ST8SIA5: variants seen among roughly 807,000 people sequenced by gnomAD.
ST8SIA5 encodes ST8 alpha-N-acetyl-neuraminide alpha-2,8-sialyltransferase 5.
In ST8SIA5, 24 loss-of-function variants were observed where a neutral mutation model predicts 40.2. The ratio of observed to expected loss-of-function variants is 0.60; its 90% CI spans 0.43 to 0.84. The LOEUF is 0.84. Among genes scored for constraint, ST8SIA5 ranks in the 40% least tolerant of loss-of-function variants. The pLI, the probability that ST8SIA5 is intolerant of heterozygous loss-of-function variation, is 0.00. For synonymous variants in ST8SIA5, 198 were observed against 201.8 expected (o/e 0.98, Z 0.16); for missense variants, 465 against 498.5 (o/e 0.93, Z 0.64).
At chr18:46,732,025 A>C (rs1002904017) in intron 1 of ST8SIA5, among the ~76,000 whole-genome samples, 1 of 152,218 alleles carries the variant, frequency 6.6e-6, no homozygotes, top group Admixed American at 6.5e-5. Context: ...GTGGGAAGAC[A>C]GGCCTCGGGT....
At chr18:46,711,893 TCAGAG>T (rs929135743) in intron 1 of ST8SIA5, among the ~76,000 whole-genome samples, 5 of 152,208 alleles carry the variant, frequency 3.3e-5, no homozygotes, top group African/African-American at 1.2e-4. Context: ...CCAGGAATTA[TCAGAG>T]CTGTTTTGAG....
intron 1 of ST8SIA5, among the ~76,000 whole-genome samples, chr18:46,745,464 T>A (rs1368679946): frequency 1.3e-5 from 2 of 152,132 alleles, no homozygotes; most frequent in African/African-American, 2.4e-5. Context: ...CTAGAAAACC[T>A]AGTAGAAATG....
chr18:46,681,438 T>C lies in ST8SIA5; in HGVS notation c.662+534A>G, dbSNP rs544932268. On this transcript the variant is annotated intron_variant, in intron 6 of 6. Coordinates refer to ENST00000315087, the MANE Select transcript of ST8SIA5 (RefSeq NM_013305.6). ...TCCTCTTACATGTCCTCTGACCTGG[T>C]TGGTGTGGCTACGCCCGGGGCTAGG... Among the ~76,000 whole-genome samples the C allele has an allele frequency of 3.3e-5, 5 of 152,338 alleles. No individual in the cohort carries two copies. In the East Asian group the frequency reaches 9.7e-4, roughly 29 times the overall value.
chr18:46,752,973 CCATTACCCTACTCCAGGG>C (rs2040208275), intron 1 of ST8SIA5, among the ~76,000 whole-genome samples: 1 of 152,210 alleles, frequency 6.6e-6, no homozygotes. Context: ...TTTTATCCTG[CCATTACCCTACTCCAGGG>C]CCAAACACAG....
intron 1 of ST8SIA5, among the ~76,000 whole-genome samples, chr18:46,722,359 G>A (rs187081849): frequency 3.3e-5 from 5 of 152,254 alleles, no homozygotes; most frequent in East Asian, 3.9e-4. Context: ...TGGGGAAACC[G>A]ACTCACAGGA....
At chr18:46,700,035 C>T (rs905675207) in intron 2 of ST8SIA5, among the ~76,000 whole-genome samples, 4 of 152,214 alleles carry the variant, frequency 2.6e-5, no homozygotes, top group Non-Finnish European at 4.4e-5. Flanking sequence ...GCATGACCCC[C>T]ATCTGGGTGT....
At chr18:46,705,032 C>A (rs1394753705) in intron 1 of ST8SIA5, among the ~76,000 whole-genome samples, 1 of 152,258 alleles carries the variant, frequency 6.6e-6, no homozygotes, top group Non-Finnish European at 1.5e-5. Flanking sequence ...AGACCAGAGC[C>A]ATTCTGGCGC....
At chr18:46,746,555 G>A (rs502904) in intron 1 of ST8SIA5, among the ~76,000 whole-genome samples, 121,008 of 152,136 alleles carry the variant, frequency 0.8, 48,335 homozygotes, top group East Asian at 0.85. Context: ...CCACTGCTCA[G>A]TGAAATAAAA....
intron 1 of ST8SIA5, among the ~76,000 whole-genome samples, chr18:46,712,435 C>A (rs2039742286): frequency 6.6e-6 from 1 of 152,218 alleles, no homozygotes; most frequent in African/African-American, 2.4e-5. Flanking sequence ...CTTCTCCCCC[C>A]TGGGGGAGTC....
chr18:46,753,347 C>T (rs1000997477), intron 1 of ST8SIA5, among the ~76,000 whole-genome samples: 3 of 152,138 alleles, frequency 2.0e-5, no homozygotes, highest in East Asian at 1.9e-4. Flanking sequence ...CCGAGGCGGG[C>T]GGATCACAAG....
intron 1 of ST8SIA5, among the ~76,000 whole-genome samples, chr18:46,725,055 GAGAA>G (rs970327166): frequency 2.0e-5 from 3 of 148,112 alleles, no homozygotes; most frequent in South Asian, 2.2e-4. Context: ...AAGGAAAAGA[GAGAA>G]AGAAAGGAAG....
At chr18:46,689,883 C>G (rs910315271) in intron 3 of ST8SIA5, among the ~76,000 whole-genome samples, 1 of 151,088 alleles carries the variant, frequency 6.6e-6, no homozygotes, top group Non-Finnish European at 1.5e-5. Flanking sequence ...GTCACCATGC[C>G]TGGCCTATAA....
At chr18:46,717,948 C>A (rs4890687) in intron 1 of ST8SIA5, among the ~76,000 whole-genome samples, 133,280 of 152,218 alleles carry the variant, frequency 0.88, 58,397 homozygotes, top group Non-Finnish European at 0.89. Flanking sequence ...CTTACTGAGA[C>A]GATGGAAGCA....
At chr18:46,719,290 AG>A (rs2144524413) in intron 1 of ST8SIA5, among the ~76,000 whole-genome samples, 1 of 152,294 alleles carries the variant, frequency 6.6e-6, no homozygotes, top group East Asian at 1.9e-4. Context: ...CCCGGCTGAT[AG>A]GAAAGAGGAA....
rs1474650892 is a variant in ST8SIA5 at position 46,721,504 on chromosome 18, C to T, written c.132-16840G>A. On this transcript the variant is annotated intron_variant, in intron 1 of 6. Coordinates refer to ENST00000315087, the MANE Select transcript of ST8SIA5 (RefSeq NM_013305.6). ...AAACGAGGCAGTCGGTACTCATGCT[C>T]ATTTGCTGGGTTAAGCCTGCCTACC... The T allele has an allele frequency of 3.3e-6, 5 of 1,515,286 alleles. No individual in the cohort carries two copies. The South Asian group carries it at 3.6e-5, about 11-fold the overall frequency. The allele number at this position is 1,515,286 out of a possible 1,614,324, so 93.9% of individuals were successfully genotyped here.
intron 1 of ST8SIA5, among the ~76,000 whole-genome samples, chr18:46,748,968 T>C (rs1356445244): frequency 6.6e-6 from 1 of 152,072 alleles, no homozygotes; most frequent in Non-Finnish European, 1.5e-5. Flanking sequence ...TGTCTATGAG[T>C]TGAAGAACAG....
At chr18:46,750,957 C>A (rs1418569601) in intron 1 of ST8SIA5, among the ~76,000 whole-genome samples, 1 of 152,162 alleles carries the variant, frequency 6.6e-6, no homozygotes, top group Non-Finnish European at 1.5e-5. Context: ...AATAAAAACT[C>A]TTTTTATTGT....
At chr18:46,745,096 G>T (rs904229641) in intron 1 of ST8SIA5, among the ~76,000 whole-genome samples, 22 of 152,182 alleles carry the variant, frequency 1.4e-4, no homozygotes, top group Non-Finnish European at 2.6e-4. Flanking sequence ...AGCACTAAAT[G>T]CCCACAAGAG....
chr18:46,689,801 G>A (rs201060225), intron 3 of ST8SIA5, among the ~76,000 whole-genome samples: 5 of 147,890 alleles, frequency 3.4e-5, no homozygotes, highest in East Asian at 4.0e-4. Context: ...GGCTGGTCTC[G>A]AACTCCTAAC....
Sources: gnomAD v4.1 joint callset for allele counts (sites outside exome capture counted in the v4.1 genomes callset) on GRCh38, gnomAD v4.1.1 for gene constraint, MANE v1.5 for transcripts, NCBI Gene and HGNC (gene_info 2026-07-23, HGNC 2026-07-21) for gene names.